The following TIMD4 variants were observed in gnomAD, a reference collection of about 807,000 sequenced individuals.
TIMD4 encodes the protein T cell immunoglobulin and mucin domain containing 4, also known as T-cell immunoglobulin and mucin domain-containing protein 4.
Under a neutral mutation model 41.2 loss-of-function variants are expected in TIMD4, and 31 were observed. The ratio of observed to expected loss-of-function variants is 0.75; its 90% CI spans 0.57 to 1.01. The LOEUF is 1.01. Ranked by LOEUF, TIMD4 falls within the 50% of genes least tolerant of loss-of-function variation. The pLI, the probability that TIMD4 is intolerant of heterozygous loss-of-function variation, is 0.00. For synonymous variants in TIMD4, 204 were observed against 177.1 expected (o/e 1.15, Z -1.21); for missense variants, 479 against 472.5 (o/e 1.01, Z -0.13).
At position 156,954,435 on chromosome 5, in the gene TIMD4, A is replaced by G; in HGVS notation, c.380T>C (p.Val127Ala). ...CTTACCTCTCTGTAGATTCAGGCGC[A>G]CGTTTATCTTTACATCGTTGAACCA... ...PGWFNDVKINVRLNLQRASTT... is the reference protein window; with the variant it reads ...PGWFNDVKINARLNLQRASTT... The change falls in exon 2 of 9, where the codon GTG (valine) becomes GCG (alanine). Residue 127 changes from valine (V) to alanine (A), a missense_variant. Val to Ala is a moderately conservative substitution (Grantham distance 64). Transcript: ENST00000274532. 6.2e-6 allele frequency: 10 copies of G among 1,613,926 alleles called. No individual in the cohort carries two copies. Among genetic ancestry groups the G allele is most frequent in the Non-Finnish European group, 8.5e-6 (10 of 1,179,892 alleles).
At chr5:156,925,722 T>C (rs1416596234) in intron 6 of TIMD4, among the ~76,000 whole-genome samples, 2 of 152,248 alleles carry the variant, frequency 1.3e-5, no homozygotes, top group African/African-American at 4.8e-5. Flanking sequence ...TATTTTTTTC[T>C]TTTTGCTTTT....
intron 5 of TIMD4, among the ~76,000 whole-genome samples, chr5:156,931,665 G>T (rs1036618986): frequency 6.6e-6 from 1 of 152,146 alleles, no homozygotes; most frequent in Non-Finnish European, 1.5e-5. Flanking sequence ...TTGTATTTTG[G>T]TCTCTTGAGT....
chr5:156,932,377 G>T (rs542505004), intron 5 of TIMD4, among the ~76,000 whole-genome samples: 1 of 152,294 alleles, frequency 6.6e-6, no homozygotes, highest in South Asian at 2.1e-4. Flanking sequence ...TTTGAAGACA[G>T]GTGTTAGAAA....
intron 5 of TIMD4, among the ~76,000 whole-genome samples, chr5:156,942,414 A>G (rs1442185427): frequency 1.3e-5 from 2 of 152,042 alleles, no homozygotes; most frequent in African/African-American, 2.4e-5. Flanking sequence ...CTGGGTCTCA[A>G]TTTCCTATCT....
At chr5:156,922,282 C>A (rs1025645438) in intron 6 of TIMD4, 66 bp from the exon 7 acceptor site, 12 of 1,233,382 alleles carry the variant, frequency 9.7e-6, no homozygotes, top group East Asian at 9.3e-5. Flanking sequence ...AAGATGACAT[C>A]CCAGCCCAAT....
At chr5:156,932,761 C>A (rs113232208) in intron 5 of TIMD4, among the ~76,000 whole-genome samples, 2 of 152,226 alleles carry the variant, frequency 1.3e-5, no homozygotes, top group East Asian at 3.8e-4. Context: ...AATCCCAGCA[C>A]TTTGGGAGGC....
intron 5 of TIMD4, among the ~76,000 whole-genome samples, chr5:156,944,386 G>T (rs1012727377): frequency 6.6e-6 from 1 of 151,920 alleles, no homozygotes; most frequent in South Asian, 2.1e-4. Context: ...TGCCCTTCCT[G>T]CAAGAAGCTC....
rs749499408 is a variant in TIMD4, at chr5:156,954,681, C to T, written c.134G>A (p.Trp45Ter). The T allele has an allele frequency of 1.5e-5, 25 of 1,614,142 alleles. No homozygotes were observed. In the South Asian group the frequency reaches 2.4e-4, roughly 16 times the overall value. ...GCACATGCTGTTGCTGTTGTGAGAC[C>T]AGGATGAGTACAGACAGGGCAAAGT... ...RVTLPCLYSS[W>*]SHNSNSMCWG... Residue 45 changes from tryptophan to a stop codon, truncating the protein, a stop_gained, in exon 2 of 9, where the codon TGG (tryptophan) becomes TAG (stop). Transcript: ENST00000274532. LOFTEE classifies it high-confidence loss of function.
At position 156,954,427 on chromosome 5, in the gene TIMD4, T is replaced by G. The variant is rs749628221; in HGVS notation, c.388A>C (p.Asn130His). Residue 130 changes from asparagine to histidine, a missense_variant, in exon 2 of 9, where the codon AAT becomes CAT. By Grantham distance (68) the Asn-to-His change is moderately conservative (BLOSUM62 1). Coordinates refer to ENST00000274532, the MANE Select transcript of TIMD4 (RefSeq NM_138379.3). ...FNDVKINVRL[N>H]LQRASTTTHR... ...TTCGTGTGCTTACCTCTCTGTAGAT[T>G]CAGGCGCACGTTTATCTTTACATCG... The G allele has an allele frequency of 1.9e-6, 3 of 1,613,578 alleles. No homozygotes were observed. The highest frequency in any genetic ancestry group is 3.3e-5 in the Admixed American group (2 of 59,994).
chr5:156,963,113 T>C, intron 1 of TIMD4, 28 bp downstream of exon 1: 1 of 1,612,684 alleles, frequency 6.2e-7, no homozygotes, highest in South Asian at 1.1e-5. Flanking sequence ...TCTGGAAACT[T>C]CTACATAGAA....
At chr5:156,954,851 G>T (rs1428728511) in intron 1 of TIMD4, 95 bp from the exon 2 acceptor site, 4 of 1,030,358 alleles carry the variant, frequency 3.9e-6, no homozygotes, top group Non-Finnish European at 5.6e-6. Flanking sequence ...CCAGGAAGAT[G>T]AAGAAAGCTG....
intron 1 of TIMD4, among the ~76,000 whole-genome samples, chr5:156,961,497 A>G (rs1000752393): frequency 2.6e-5 from 4 of 152,168 alleles, no homozygotes; most frequent in Non-Finnish European, 4.4e-5. Context: ...CAATGGATGA[A>G]TGGATAAAGA....
intron 1 of TIMD4, among the ~76,000 whole-genome samples, chr5:156,959,187 A>G (rs1444435252): frequency 6.6e-6 from 1 of 152,170 alleles, no homozygotes; most frequent in African/African-American, 2.4e-5. Context: ...CTTATTAAAA[A>G]TTAATATAAG....
Position 156,949,682 on chromosome 5 carries a change from A to C in TIMD4, c.729T>G (p.Thr243=), listed in dbSNP as rs1380511059. 1 of 1,613,614 alleles carries C rather than the reference A, an allele frequency of 6.2e-7. No individual in the cohort carries two copies. The highest frequency in any genetic ancestry group is 1.1e-5 in the South Asian group (1 of 91,060). The change falls in exon 4 of 9, where the codon ACT becomes ACG. Residue 243 remains threonine, a synonymous_variant. Transcript: ENST00000274532. ...ATGTCAGCAGGACAGTGTCAGCAGA[A>C]GTAGACTCAACACTACTCCAGGAAT... ...PSDSWSSVES[T]SADTVLLTSK...
chr5:156,953,103 G>A (rs901110022), intron 2 of TIMD4, among the ~76,000 whole-genome samples: 3 of 152,144 alleles, frequency 2.0e-5, no homozygotes, highest in Non-Finnish European at 4.4e-5. Flanking sequence ...AGTGAACTTC[G>A]AAATGACCTC....
intron 5 of TIMD4, among the ~76,000 whole-genome samples, chr5:156,945,278 C>T (rs1759719751): frequency 6.6e-6 from 1 of 152,112 alleles, no homozygotes; most frequent in Non-Finnish European, 1.5e-5. Flanking sequence ...TCTTCAAGGG[C>T]TCTAAAATGG....
intron 5 of TIMD4, among the ~76,000 whole-genome samples, chr5:156,930,098 G>A (rs1272117596): frequency 6.6e-6 from 1 of 152,126 alleles, no homozygotes; most frequent in Non-Finnish European, 1.5e-5. Context: ...AGCCTCCCAA[G>A]TAGCTGGGAT....
At chr5:156,920,162 T>G (rs1176642614) in intron 8 of TIMD4, among the ~76,000 whole-genome samples, 1 of 152,192 alleles carries the variant, frequency 6.6e-6, no homozygotes, top group Non-Finnish European at 1.5e-5. Context: ...CCTCTTAAAC[T>G]AACTTACCCA....
intron 4 of TIMD4, 47 bp downstream of exon 4, chr5:156,949,604 T>C: frequency 6.9e-7 from 1 of 1,453,942 alleles, no homozygotes; most frequent in African/African-American, 1.4e-5. Flanking sequence ...TTCCTTCTCC[T>C]CAGTACAAAG....
Sources: gnomAD v4.1 joint callset for allele counts (sites outside exome capture counted in the v4.1 genomes callset) on GRCh38, gnomAD v4.1.1 for gene constraint, MANE v1.5 for transcripts, NCBI Gene and HGNC (gene_info 2026-07-23, HGNC 2026-07-21) for gene names.